Variants in CYFIP2 observed in about 807,000 individuals in gnomAD.
CYFIP2 encodes the protein cytoplasmic FMR1 interacting protein 2.
CYFIP2 carries 29 observed loss-of-function variants against 158.7 expected under a neutral mutation model. That is an observed-to-expected ratio of 0.18 (90% CI 0.14 to 0.25). The LOEUF is 0.25. Ranked by LOEUF, CYFIP2 falls within the 10% of genes least tolerant of loss-of-function variation. The pLI is 1.00. For synonymous variants in CYFIP2, 585 were observed against 617.6 expected (o/e 0.95, Z 0.78); for missense variants, 852 against 1,639.5 (o/e 0.52, Z 8.29).
chr5:157,296,152 G>C (rs1196047463), intron 4 of CYFIP2, among the ~76,000 whole-genome samples: 2 of 152,208 alleles, frequency 1.3e-5, no homozygotes, highest in African/African-American at 4.8e-5. Context: ...GGACCAACTG[G>C]TTCCTTTCCT....
At chr5:157,375,399 G>A (rs566319516) in intron 26 of CYFIP2, among the ~76,000 whole-genome samples, 1 of 152,294 alleles carries the variant, frequency 6.6e-6, no homozygotes, top group Admixed American at 6.5e-5. Flanking sequence ...GGAAGGGCAG[G>A]GTGAGTTGCA....
Position 157,389,261 on chromosome 5 carries a change from G to A in CYFIP2, c.3280G>A (p.Val1094Ile). The A allele has an allele frequency of 1.2e-6, 2 of 1,614,044 alleles. No homozygotes were observed. The highest frequency in any genetic ancestry group is 8.5e-7 in the Non-Finnish European group (1 of 1,179,888). ...RLCCGLSMFEVILTRIRSYLQ... is the reference protein window; with the variant it reads ...RLCCGLSMFEIILTRIRSYLQ... Reference sequence around the variant, plus strand: ...GTGCTGTGGCCTGTCCATGTTCGAGGTCATCCTGACCCGCATTCGGAGCTA... The same window carrying A: ...GTGCTGTGGCCTGTCCATGTTCGAGATCATCCTGACCCGCATTCGGAGCTA... Residue 1094 changes from valine to isoleucine, a missense_variant, in exon 29 of 31, where the codon GTC (valine) becomes ATC (isoleucine). Around this residue, in one of 8 missense-constraint regions of CYFIP2, gnomAD observed 223 missense variants for 381.6 expected, o/e 0.58. Transcript: ENST00000620254.
chr5:157,331,217 T>C (rs1158444632), intron 20 of CYFIP2, among the ~76,000 whole-genome samples: 1 of 151,988 alleles, frequency 6.6e-6, no homozygotes, highest in African/African-American at 2.4e-5. Context: ...AGGAAGACTG[T>C]GGCGCCTTTG....
At chr5:157,356,369 T>C (rs1040743528) in intron 23 of CYFIP2, among the ~76,000 whole-genome samples, 1 of 152,188 alleles carries the variant, frequency 6.6e-6, no homozygotes, top group Non-Finnish European at 1.5e-5. Context: ...CTCCTAATAC[T>C]ATCATATTGG....
At position 157,285,327 on chromosome 5, in the gene CYFIP2, C is replaced by G; in HGVS notation, c.-23-12C>G. 6.6e-7 allele frequency: 1 copy of G among 1,524,990 alleles called. No homozygotes were observed. The highest frequency in any genetic ancestry group is 8.9e-7 in the Non-Finnish European group (1 of 1,122,490). The allele number at this position is 1,524,990 out of a possible 1,614,324, so 94.5% of individuals were successfully genotyped here. A position where few individuals can be genotyped will look rare whatever the true frequency, so the allele number is the denominator to read the frequency against. ...TGAAATTCTCCACTGACCTTCTCTT[C>G]CTTCCCTTCAGTGCAGAATACAGAA... is the stretch of plus-strand genomic sequence containing the variant. On this transcript the variant is annotated splice_polypyrimidine_tract_variant and intron_variant, in intron 1 of 30. Transcript: ENST00000620254.
chr5:157,386,637 G>A (rs915980224), intron 28 of CYFIP2, among the ~76,000 whole-genome samples: 1 of 152,158 alleles, frequency 6.6e-6, no homozygotes, highest in South Asian at 2.1e-4. Flanking sequence ...TAAGGATGGT[G>A]GGCTGGGCAT....
chr5:157,284,266 A>G (rs1010961772), intron 1 of CYFIP2, among the ~76,000 whole-genome samples: 8 of 152,164 alleles, frequency 5.3e-5, no homozygotes, highest in African/African-American at 1.7e-4. Context: ...AAATGTGTTG[A>G]AGACATGTAT....
intron 4 of CYFIP2, 184 bp from the exon 5 acceptor site, chr5:157,296,489 C>T: frequency 1.7e-6 from 1 of 600,474 alleles, no homozygotes. Context: ...ACCTACTTGG[C>T]AGGCTGAGTT....
intron 21 of CYFIP2, among the ~76,000 whole-genome samples, chr5:157,333,845 T>C (rs1353202456): frequency 6.6e-6 from 1 of 152,224 alleles, no homozygotes; most frequent in Non-Finnish European, 1.5e-5. Flanking sequence ...TCTGCTTCAC[T>C]ATCTTGAAAT....
At chr5:157,372,351 A>AAAGTT (rs1765073863) in intron 26 of CYFIP2, among the ~76,000 whole-genome samples, 1 of 152,166 alleles carries the variant, frequency 6.6e-6, no homozygotes, top group South Asian at 2.1e-4. Context: ...ATGACTCAGT[A>AAAGTT]AAGTTAAAGC....
At chr5:157,379,668 CAAAAAAAAAA>C (rs70984468) in intron 26 of CYFIP2, among the ~76,000 whole-genome samples, 2 of 73,654 alleles carry the variant, frequency 2.7e-5, no homozygotes, top group South Asian at 6.1e-4. Context: ...GACCCTGTCT[CAAAAAAAAAA>C]AAAAAAAAAA....
At chr5:157,321,102 A>G (rs1760558103) in intron 15 of CYFIP2, among the ~76,000 whole-genome samples, 1 of 152,196 alleles carries the variant, frequency 6.6e-6, no homozygotes, top group Non-Finnish European at 1.5e-5. Context: ...CACCACATCC[A>G]CCTTGCCTGG....
chr5:157,268,027 C>G (rs999331589), intron 1 of CYFIP2, among the ~76,000 whole-genome samples: 1 of 152,228 alleles, frequency 6.6e-6, no homozygotes. Context: ...TGTCCACTTT[C>G]GGGATGAGAA....
At position 157,311,675 on chromosome 5, in the gene CYFIP2, C is replaced by T; in HGVS notation, c.1004C>T (p.Thr335Ile). 6.2e-7 allele frequency: 1 copy of T among 1,608,144 alleles called. No individual in the cohort carries two copies. The highest frequency in any genetic ancestry group is 8.5e-7 in the Non-Finnish European group (1 of 1,177,388). ...YEENKSKWTC[T>I]QSSISPQYNI... ...AATTTTCTACCCAGGTGGACGTGCA[C>T]CCAGAGCAGCATCAGCCCCCAGTAC... The change falls in exon 11 of 31, where the codon ACC (threonine) becomes ATC (isoleucine). Residue 335 changes from threonine to isoleucine, a missense_variant. Around this residue, in one of 8 missense-constraint regions of CYFIP2, gnomAD observed 133 missense variants for 197.1 expected, o/e 0.67. Coordinates refer to ENST00000620254, the MANE Select transcript of CYFIP2 (RefSeq NM_001037333.3). The surrounding 1 kb of genome is among the most constrained non-coding windows in gnomAD (Gnocchi z 4.7).
chr5:157,368,802 G>T (rs370267125), intron 26 of CYFIP2, among the ~76,000 whole-genome samples: 1 of 151,842 alleles, frequency 6.6e-6, no homozygotes, highest in Non-Finnish European at 1.5e-5. Context: ...CATCCATGAT[G>T]GCACTGTTCA....
At chr5:157,309,721 G>A (rs1257881069) in intron 9 of CYFIP2, 22 bp from the exon 10 acceptor site, 2 of 1,583,268 alleles carry the variant, frequency 1.3e-6, no homozygotes, top group Non-Finnish European at 8.6e-7. Context: ...CATCTCACGA[G>A]CTGTGTTTGC....
At chr5:157,272,511 C>G (rs1043424277) in intron 1 of CYFIP2, among the ~76,000 whole-genome samples, 6 of 152,226 alleles carry the variant, frequency 3.9e-5, no homozygotes, top group African/African-American at 1.4e-4. Context: ...CCACCCTCCC[C>G]TAGAGGCTGC....
chr5:157,378,179 TAACATC>T (rs1429749795), intron 26 of CYFIP2, among the ~76,000 whole-genome samples: 1 of 152,192 alleles, frequency 6.6e-6, no homozygotes, highest in East Asian at 1.9e-4. Context: ...AGACTTGGAA[TAACATC>T]AACAGATTTA....
chr5:157,322,906 C>T (rs1760721108), intron 15 of CYFIP2: 1 of 1,508,034 alleles, frequency 6.6e-7, no homozygotes, highest in Non-Finnish European at 8.9e-7. Flanking sequence ...TCCTGCCCTC[C>T]CATTCCCTCT....
Sources: gnomAD v4.1 joint callset for allele counts (sites outside exome capture counted in the v4.1 genomes callset) on GRCh38, gnomAD v4.1.1 for gene constraint, gnomAD v4.1.1 regional missense constraint, Gnocchi (gnomAD v3.1) non-coding constraint, MANE v1.5 for transcripts, NCBI Gene and HGNC (gene_info 2026-07-23, HGNC 2026-07-21) for gene names.